Variants in PTPN12 observed in about 807,000 individuals in gnomAD.
The protein encoded by PTPN12 is protein tyrosine phosphatase non-receptor type 12.
A neutral mutation model predicts 97.6 loss-of-function variants in PTPN12; 29 were observed. The observed-to-expected ratio is 0.30, with a 90% CI of 0.22 to 0.41. The LOEUF (loss-of-function observed/expected upper bound fraction) is 0.41. Ranked by LOEUF, PTPN12 falls within the 10% of genes least tolerant of loss-of-function variation. PTPN12 has a pLI of 1.00. For missense variants in PTPN12, 819 were observed against 926.0 expected, an observed-to-expected ratio of 0.88 and a Z score of 1.50; for synonymous variants, 327 against 300.4, an observed-to-expected ratio of 1.09 and a Z score of -0.91.
intron 1 of PTPN12, among the ~76,000 whole-genome samples, chr7:77,540,257 ATG>A (rs1343042556): frequency 4.4e-5 from 6 of 135,338 alleles, no homozygotes; most frequent in Non-Finnish European, 3.1e-5. Context: ...TTTTTTTGAG[ATG>A]TAACACCTCG....
At chr7:77,575,341 G>A (rs1005219628) in intron 2 of PTPN12, among the ~76,000 whole-genome samples, 3 of 140,198 alleles carry the variant, frequency 2.1e-5, no homozygotes, top group Admixed American at 1.4e-4. Flanking sequence ...ACGCACGCAC[G>A]CACACACACA....
intron 6 of PTPN12, 54 bp from the exon 7 acceptor site, chr7:77,597,788 G>A: frequency 2.6e-6 from 4 of 1,566,592 alleles, no homozygotes; most frequent in Non-Finnish European, 2.6e-6. Flanking sequence ...TTGTTTTGAT[G>A]TGTCTTTTTG....
rs1789126347 is a variant in PTPN12, at chr7:77,625,510, T to TCTCTCA, written c.1026-1190_1026-1189insACTCTC. On this transcript the variant is annotated intron_variant, in intron 12 of 17. Transcript: ENST00000248594. ...CTCTCTCTCTCTCTCTCTCTCTCTCTCTCTCTCTCTCTCACTCTCACTCTC... is the reference window on the plus strand; with the variant it reads ...CTCTCTCTCTCTCTCTCTCTCTCTCTCTCTCACTCTCTCTCTCTCACTCTCACTCTC... 6.0e-4 allele frequency among the ~76,000 whole-genome samples: 60 copies of TCTCTCA among 100,368 alleles called. 4 individuals are homozygous for TCTCTCA. Among genetic ancestry groups the TCTCTCA allele is most frequent in the South Asian group, 1.4e-3 (4 of 2,876 alleles). 65.8% of individuals were successfully genotyped at this position (100,368 alleles called of 152,430 possible).
intron 1 of PTPN12, among the ~76,000 whole-genome samples, chr7:77,540,457 T>G (rs1005388130): frequency 6.6e-6 from 1 of 151,912 alleles, no homozygotes; most frequent in Non-Finnish European, 1.5e-5. Flanking sequence ...AGACTGGTCT[T>G]GAACTTTCAT....
At chr7:77,627,747 A>G in intron 13 of PTPN12, 72 bp downstream of exon 13, 1 of 1,379,326 alleles carries the variant, frequency 7.2e-7, no homozygotes, top group Non-Finnish European at 9.5e-7. Flanking sequence ...CTTTAGCTGT[A>G]TTGATTTATT....
At chr7:77,582,398 T>G (rs1220452770) in intron 3 of PTPN12, among the ~76,000 whole-genome samples, 2 of 152,146 alleles carry the variant, frequency 1.3e-5, no homozygotes, top group Admixed American at 1.3e-4. Flanking sequence ...TTTTAATCTT[T>G]CAAGTGATAT....
chr7:77,597,794 TTTTG>T (rs766590501), intron 6 of PTPN12, 44 bp from the exon 7 acceptor site: 1 of 1,582,702 alleles, frequency 6.3e-7, no homozygotes, highest in South Asian at 1.2e-5. Context: ...TGATGTGTCT[TTTTG>T]TTTTAACGTT....
At chr7:77,616,137 C>T (rs1788742007) in intron 11 of PTPN12, among the ~76,000 whole-genome samples, 2 of 152,204 alleles carry the variant, frequency 1.3e-5, no homozygotes, top group East Asian at 1.9e-4. Flanking sequence ...CTTACTATCT[C>T]TTCTCTTTAC....
At chr7:77,637,166 G>C in intron 16 of PTPN12, 118 bp downstream of exon 16, 1 of 789,174 alleles carries the variant, frequency 1.3e-6, no homozygotes, top group Non-Finnish European at 2.0e-6. Context: ...AAATGTCTAG[G>C]ACAACTCTTG....
Position 77,618,385 on chromosome 7 carries a change from T to G in PTPN12, c.940-95T>G, listed in dbSNP as rs866141293. 10 of 828,748 alleles carry G rather than the reference T, an allele frequency of 1.2e-5. No homozygotes were observed. The Middle Eastern group carries it at 2.5e-3, about 206-fold the overall frequency. The allele number at this position is 828,748 out of a possible 1,614,324, so 51.3% of individuals were successfully genotyped here. On this transcript the variant is annotated intron_variant, in intron 11 of 17. Transcript: ENST00000248594. ...TTAACTTGGCAAAATTGGCATTGTT[T>G]AAGGATTGAAAAGCACAGAAACAAT...
At position 77,627,183 on chromosome 7, in the gene PTPN12, C is replaced by A. The variant is rs1554327206; in HGVS notation, c.1504C>A (p.Gln502Lys). Residue 502 changes from glutamine (Q) to lysine (K), a missense_variant, in exon 13 of 18, where the codon CAA becomes AAA. Gln to Lys is a moderately conservative substitution (Grantham distance 53). Coordinates refer to ENST00000248594, the MANE Select transcript of PTPN12 (RefSeq NM_002835.4). ...TTCTTGTGTGGACTGCAGTGTAACA[C>A]AATCAAACAAAGTTTCAGTTACTCC... ...QNSCVDCSVT[Q>K]SNKVSVTPPE... 1.9e-6 allele frequency: 3 copies of A among 1,614,126 alleles called. No homozygotes were observed. The highest frequency in any genetic ancestry group is 1.6e-4 in the Middle Eastern group (1 of 6,062).
intron 3 of PTPN12, among the ~76,000 whole-genome samples, chr7:77,582,736 A>T (rs1787562688): frequency 6.6e-6 from 1 of 151,210 alleles, no homozygotes; most frequent in African/African-American, 2.4e-5. Context: ...GTAAGCCGAG[A>T]TCGTGCCAAT....
Position 77,597,880 on chromosome 7 carries a change from A to G in PTPN12, c.531A>G (p.Thr177=). The change falls in exon 7 of 18, where the codon ACA becomes ACG. Residue 177 remains threonine (T), a synonymous_variant. Coordinates refer to ENST00000248594, the MANE Select transcript of PTPN12 (RefSeq NM_002835.4). ...EQARTDYFIR[T]LLLEFQNESR... The stretch of plus-strand genomic sequence containing the variant: ...CAAGAACAGACTACTTCATCAGGAC[A>G]CTCTTACTTGAATTTCAAAATGTAG... 6.2e-7 allele frequency: 1 copy of G among 1,612,472 alleles called. No individual in the cohort carries two copies. The highest frequency in any genetic ancestry group is 1.1e-5 in the South Asian group (1 of 90,548).
In PTPN12 at chr7:77,605,409, G is replaced by GGTTTTTTTTTTTTTTTT. The variant is rs1554321255; in HGVS notation, c.696-1826_696-1825insGTTTTTTTTTTTTTTTT. Among the ~76,000 whole-genome samples, 99 of 95,536 alleles carry GGTTTTTTTTTTTTTTTT rather than the reference G, an allele frequency of 1.0e-3. 21 individuals carry two copies. The highest frequency in any genetic ancestry group is 1.7e-3 in the South Asian group (5 of 2,876). 62.7% of individuals were successfully genotyped at this position (95,536 alleles called of 152,430 possible). ...TTACTTTAAAATACTTTTGTCATGA[G>GGTTTTTTTTTTTTTTTT]TTTTTTTTTTTTTTTTTTTTTTTTT... On this transcript the variant is annotated intron_variant, in intron 8 of 17. Coordinates refer to ENST00000248594, the MANE Select transcript of PTPN12 (RefSeq NM_002835.4).
At chr7:77,603,883 C>CTTTTTTTTTT (rs773037726) in intron 8 of PTPN12, among the ~76,000 whole-genome samples, 12 of 87,868 alleles carry the variant, frequency 1.4e-4, no homozygotes, top group African/African-American at 3.0e-4. Context: ...TTTTTGTTTG[C>CTTTTTTTTTT]TTTTTTTTTT....
At chr7:77,587,727 A>C (rs1480847465) in intron 5 of PTPN12, among the ~76,000 whole-genome samples, 1 of 152,226 alleles carries the variant, frequency 6.6e-6, no homozygotes, top group Non-Finnish European at 1.5e-5. Context: ...ATCTTCTTCC[A>C]ATATAAGGAT....
chr7:77,598,055 T>C (rs372421423), intron 7 of PTPN12, among the ~76,000 whole-genome samples, 154 bp downstream of exon 7: 8 of 151,872 alleles, frequency 5.3e-5, no homozygotes, highest in East Asian at 3.9e-4. Context: ...TAGTGAGATC[T>C]TGTGTCTACA....
chr7:77,585,697 A>T, intron 5 of PTPN12, 116 bp downstream of exon 5: 1 of 812,620 alleles, frequency 1.2e-6, no homozygotes, highest in Non-Finnish European at 1.9e-6. Flanking sequence ...ATTTTGGGGT[A>T]CTGCTGTTGC....
intron 6 of PTPN12, among the ~76,000 whole-genome samples, chr7:77,595,089 CAG>C (rs925352175): frequency 7.9e-5 from 12 of 152,012 alleles, no homozygotes; most frequent in East Asian, 1.9e-4. Context: ...AAAAAGAAAA[CAG>C]ATAACTTGAA....
Sources: gnomAD v4.1 joint callset for allele counts (sites outside exome capture counted in the v4.1 genomes callset) on GRCh38, gnomAD v4.1.1 for gene constraint, MANE v1.5 for transcripts, NCBI Gene and HGNC (gene_info 2026-07-23, HGNC 2026-07-21) for gene names.